Variants in ITPR1 observed in about 807,000 individuals in gnomAD.
ITPR1 encodes inositol 1,4,5-trisphosphate-gated calcium channel ITPR1.
In ITPR1, 96 loss-of-function variants were observed where a neutral mutation model predicts 318.4. The observed-to-expected ratio is 0.30, with a 90% CI of 0.26 to 0.36. The LOEUF (loss-of-function observed/expected upper bound fraction) is 0.36, where lower values mean the gene tolerates loss of function less well. ITPR1 is among the 10% of genes least tolerant of loss of function. The pLI is 1.00. For missense variants in ITPR1, 2,440 were observed against 3,460.2 expected, an observed-to-expected ratio of 0.71 and a Z score of 7.40; for synonymous variants, 1,312 against 1,289.9, an observed-to-expected ratio of 1.02 and a Z score of -0.37.
intron 10 of ITPR1, among the ~76,000 whole-genome samples, chr3:4,646,872 C>T (rs908973161): frequency 4.6e-5 from 7 of 152,018 alleles, no homozygotes; most frequent in Admixed American, 1.3e-4. Flanking sequence ...TCTCTGCTTG[C>T]GTTCTCTTTT....
intron 43 of ITPR1, among the ~76,000 whole-genome samples, chr3:4,734,524 GT>G (rs533126379): frequency 1.3e-5 from 2 of 152,204 alleles, no homozygotes; most frequent in Non-Finnish European, 2.9e-5. Context: ...TCATGGTTTA[GT>G]TATTGCCAAT....
At chr3:4,738,618 C>T (rs943785874) in intron 44 of ITPR1, among the ~76,000 whole-genome samples, 11 of 151,822 alleles carry the variant, frequency 7.2e-5, no homozygotes, top group East Asian at 3.8e-4. Flanking sequence ...CCTGGGGAGA[C>T]GATGTCTGTG....
At position 4,829,661 on chromosome 3, in the gene ITPR1, CTGTT is replaced by C. The variant is rs568045590; in HGVS notation, c.8029-7104_8029-7101del. ...TAGTAACGTTTTGTATTATTGTGGCCTGTTTGTTTGTTAAGATTTGATATGCCAA... is the reference window on the plus strand; with the variant it reads ...TAGTAACGTTTTGTATTATTGTGGCCTGTTTGTTAAGATTTGATATGCCAA... On this transcript the variant is annotated intron_variant, in intron 60 of 61. Coordinates refer to ENST00000649015, the MANE Select transcript of ITPR1 (RefSeq NM_001378452.1). Among the ~76,000 whole-genome samples the C allele has an allele frequency of 3.7e-3, 562 of 152,162 alleles. 3 individuals are homozygous for C. Among genetic ancestry groups the C allele is most frequent in the African/African-American group, 0.012 (518 of 41,476 alleles).
At chr3:4,525,361 G>A (rs980889352) in intron 4 of ITPR1, among the ~76,000 whole-genome samples, 20 of 152,082 alleles carry the variant, frequency 1.3e-4, no homozygotes, top group East Asian at 5.8e-4. Flanking sequence ...GTTCAACATC[G>A]AACAGAAGAT....
chr3:4,586,300 A>C (rs1185646971), intron 4 of ITPR1, among the ~76,000 whole-genome samples: 1 of 152,128 alleles, frequency 6.6e-6, no homozygotes, highest in African/African-American at 2.4e-5. Context: ...TTTCTACCAT[A>C]CAGCAACACC....
At chr3:4,516,378 C>T (rs929996560) in intron 2 of ITPR1, 98 bp from the exon 3 acceptor site, 12 of 615,084 alleles carry the variant, frequency 2.0e-5, no homozygotes, top group African/African-American at 5.8e-5. Context: ...TTAAGTAAGG[C>T]GCTTTGGAAA....
chr3:4,811,501 T>C, intron 56 of ITPR1, 41 bp downstream of exon 56: 1 of 1,496,980 alleles, frequency 6.7e-7, no homozygotes, highest in Non-Finnish European at 9.3e-7. Context: ...GCTAAAAGAT[T>C]ATTTCCTGAT....
chr3:4,760,294 T>C (rs1036490832), intron 44 of ITPR1, among the ~76,000 whole-genome samples: 11 of 152,300 alleles, frequency 7.2e-5, no homozygotes, highest in African/African-American at 2.6e-4. Flanking sequence ...GACTGGAGGG[T>C]GAGGAGAGGT....
At chr3:4,810,164 A>T (rs2048842527) in intron 55 of ITPR1, among the ~76,000 whole-genome samples, 1 of 152,234 alleles carries the variant, frequency 6.6e-6, no homozygotes, top group Non-Finnish European at 1.5e-5. Context: ...AATTAAAAGC[A>T]GTCAGGATTC....
intron 45 of ITPR1, among the ~76,000 whole-genome samples, chr3:4,766,920 AT>A (rs2125373584): frequency 6.6e-6 from 1 of 152,368 alleles, no homozygotes; most frequent in East Asian, 1.9e-4. Flanking sequence ...AATAAAGAAC[AT>A]TCCTCTTGGT....
chr3:4,780,595 G>C (rs2046764562), intron 49 of ITPR1, among the ~76,000 whole-genome samples: 1 of 152,150 alleles, frequency 6.6e-6, no homozygotes, highest in Non-Finnish European at 1.5e-5. Context: ...AAACATTTCT[G>C]CCTCCTGGTG....
At chr3:4,815,955 AAATATT>A (rs1221406384) in intron 59 of ITPR1, among the ~76,000 whole-genome samples, 5 of 151,266 alleles carry the variant, frequency 3.3e-5, no homozygotes, top group Admixed American at 6.6e-5. Flanking sequence ...CAGAATCCCC[AAATATT>A]AATATTTTAT....
chr3:4,745,676 C>T (rs1167117731), intron 44 of ITPR1, among the ~76,000 whole-genome samples: 2 of 152,198 alleles, frequency 1.3e-5, no homozygotes, highest in African/African-American at 2.4e-5. Flanking sequence ...CCTCCAGCAG[C>T]CATTTATGCC....
intron 23 of ITPR1, among the ~76,000 whole-genome samples, chr3:4,675,894 T>G (rs2094174822): frequency 6.6e-6 from 1 of 152,206 alleles, no homozygotes; most frequent in Admixed American, 6.5e-5. Flanking sequence ...ACCATTTAGT[T>G]CTTTTGTTGA....
chr3:4,621,637 T>G (rs1325286722), intron 4 of ITPR1, among the ~76,000 whole-genome samples: 1 of 152,158 alleles, frequency 6.6e-6, no homozygotes, highest in Admixed American at 6.5e-5. Context: ...TTAGGATGAG[T>G]CGATGCCTTC....
At chr3:4,670,579 A>G in intron 19 of ITPR1, 150 bp from the exon 20 acceptor site, 1 of 640,914 alleles carries the variant, frequency 1.6e-6, no homozygotes. Flanking sequence ...CAGTATATGA[A>G]GATGTTAATG....
chr3:4,647,844 A>C (rs560725017), intron 10 of ITPR1, among the ~76,000 whole-genome samples: 28 of 152,324 alleles, frequency 1.8e-4, no homozygotes, highest in Non-Finnish European at 3.5e-4. Context: ...CACTCTTTTA[A>C]CATGGATGTT....
intron 12 of ITPR1, among the ~76,000 whole-genome samples, chr3:4,656,940 G>C (rs73807109): frequency 2.4e-3 from 360 of 152,344 alleles, no homozygotes; most frequent in African/African-American, 8.5e-3. Context: ...CAGACTCCTT[G>C]TCTAAGCCCC....
chr3:4,533,985 G>T (rs1225709301), intron 4 of ITPR1, among the ~76,000 whole-genome samples: 1 of 152,186 alleles, frequency 6.6e-6, no homozygotes, highest in African/African-American at 2.4e-5. Flanking sequence ...CCCAAAAGCT[G>T]CCCTTCCCTG....
Sources: allele counts gnomAD v4.1 joint callset (sites outside exome capture counted in the v4.1 genomes callset), GRCh38; gene constraint gnomAD v4.1.1; transcripts MANE v1.5; gene names NCBI Gene and HGNC (gene_info 2026-07-23, HGNC 2026-07-21).